Variants in SMG7 observed in about 807,000 individuals in gnomAD.
SMG7 encodes SMG7 nonsense mediated mRNA decay factor.
In SMG7, 34 loss-of-function variants were observed where a neutral mutation model predicts 148.2. The ratio of observed to expected loss-of-function variants is 0.23; its 90% CI spans 0.17 to 0.31. The LOEUF (loss-of-function observed/expected upper bound fraction) is 0.31. SMG7 is among the 10% of genes least tolerant of loss of function. The probability of loss-of-function intolerance (pLI) is 1.00; values close to 1 mark genes in which losing one functional copy is unlikely to be tolerated. For synonymous variants in SMG7, 492 were observed against 515.1 expected, an observed-to-expected ratio of 0.96 and a Z score of 0.61; for missense variants, 1,114 against 1,408.4, an observed-to-expected ratio of 0.79 and a Z score of 3.35.
At chr1:183,521,144 A>G (rs1317343736) in intron 4 of SMG7, among the ~76,000 whole-genome samples, 7 of 151,312 alleles carry the variant, frequency 4.6e-5, no homozygotes, top group African/African-American at 7.3e-5. Flanking sequence ...CAGTGGCACA[A>G]TCTCTGCCAC....
chr1:183,533,357 C>CT, intron 9 of SMG7, 31 bp downstream of exon 9: 1 of 1,593,990 alleles, frequency 6.3e-7, no homozygotes, highest in Non-Finnish European at 8.6e-7. Context: ...CATGTGCCAT[C>CT]TTTTTTGAAA....
In SMG7 at chr1:183,553,505, G is replaced by A. The variant is rs971511223; in HGVS notation, c.*1574G>A. The A allele has an allele frequency of 6.6e-6, 2 of 302,000 alleles. No homozygotes were observed. The highest frequency in any genetic ancestry group is 9.6e-5 in the Admixed American group (2 of 20,938). The allele number at this position is 302,000 out of a possible 1,614,324, so 18.7% of individuals were successfully genotyped here. A position where few individuals can be genotyped will look rare whatever the true frequency, so the allele number is the denominator to read the frequency against. On this transcript the variant is annotated 3_prime_UTR_variant, in exon 23 of 23. Transcript: ENST00000688051. ...TTAAGAGCTGGAAGACAGCTGTAGA[G>A]CAAAGCACATCCAGGAGCCCCAGTT...
chr1:183,512,884 T>C lies in SMG7; in HGVS notation c.61+16T>C, dbSNP rs1430257664. The C allele has an allele frequency of 1.3e-6, 2 of 1,587,262 alleles. No individual in the cohort carries two copies. The highest frequency in any genetic ancestry group is 1.7e-6 in the Non-Finnish European group (2 of 1,169,776). ...GACATGACAGGTATTGGCTGGCTTA[T>C]TTCTTTTTCACAACATATTTTATAT... is the stretch of plus-strand genomic sequence containing the variant. On this transcript the variant is annotated intron_variant, in intron 2 of 22. Coordinates refer to ENST00000688051, the MANE Select transcript of SMG7 (RefSeq NM_001375584.1).
Position 183,472,618 on chromosome 1 carries a change from A to C in SMG7, c.-3A>C. On this transcript the variant is annotated 5_prime_UTR_variant, in exon 1 of 23. Coordinates refer to ENST00000688051, the MANE Select transcript of SMG7 (RefSeq NM_001375584.1). ...CGGGAAGACGCGGCGGCGGCGGCGG[A>C]GGATGAGCCTGCAGAGCGCGCAGTA... 1.4e-6 allele frequency: 2 copies of C among 1,447,734 alleles called. No individual in the cohort carries two copies. Among genetic ancestry groups the C allele is most frequent in the Non-Finnish European group, 1.8e-6 (2 of 1,088,228 alleles). The allele number at this position is 1,447,734 out of a possible 1,614,324, so 89.7% of individuals were successfully genotyped here. A position where few individuals can be genotyped will look rare whatever the true frequency, so the allele number is the denominator to read the frequency against.
chr1:183,522,121 A>G (rs573187198), intron 4 of SMG7, among the ~76,000 whole-genome samples: 1 of 152,258 alleles, frequency 6.6e-6, no homozygotes, highest in Non-Finnish European at 1.5e-5. Context: ...TGGTTGTACC[A>G]TTTACTGAGA....
Position 183,527,503 on chromosome 1 carries a change from A to G in SMG7, c.485-453A>G, listed in dbSNP as rs948560858. 3.4e-5 allele frequency: 14 copies of G among 408,574 alleles called. No individual in the cohort carries two copies. Among genetic ancestry groups the G allele is most frequent in the Admixed American group, 1.7e-4 (6 of 35,364 alleles). 25.3% of individuals were successfully genotyped at this position (408,574 alleles called of 1,614,324 possible). A position where few individuals can be genotyped will look rare whatever the true frequency, so the allele number is the denominator to read the frequency against. On this transcript the variant is annotated intron_variant, in intron 5 of 22. Transcript: ENST00000688051. This position sits in a 1 kb window ranked among gnomAD's most constrained non-coding sequence, Gnocchi z 4.0. Reference sequence around the variant, plus strand: ...GTTTTGCTTTAAATATAATCTTTGCACACACATATTTAATATTGCAATAGG... The same window carrying G: ...GTTTTGCTTTAAATATAATCTTTGCGCACACATATTTAATATTGCAATAGG...
intron 1 of SMG7, chr1:183,473,061 C>A: frequency 4.4e-6 from 1 of 227,000 alleles, no homozygotes; most frequent in East Asian, 8.8e-5. Flanking sequence ...TGGAGCGATG[C>A]ATGAGTAGAG....
chr1:183,504,613 A>G (rs1450531825), intron 1 of SMG7, among the ~76,000 whole-genome samples: 4 of 152,330 alleles, frequency 2.6e-5, no homozygotes, highest in Non-Finnish European at 5.9e-5. Context: ...TACTGGGATT[A>G]CAGGCGTGAG....
intron 6 of SMG7, 45 bp downstream of exon 6, chr1:183,528,072 T>C: frequency 6.9e-7 from 1 of 1,455,436 alleles, no homozygotes; most frequent in Non-Finnish European, 9.5e-7. Flanking sequence ...CACTTTGTTC[T>C]TTATAACAAT....
chr1:183,506,919 C>T (rs1430380730), intron 1 of SMG7, among the ~76,000 whole-genome samples: 2 of 141,858 alleles, frequency 1.4e-5, no homozygotes, highest in Non-Finnish European at 3.0e-5. Context: ...CACTCTGTCA[C>T]CTAGGCTGGA....
intron 12 of SMG7, among the ~76,000 whole-genome samples, chr1:183,540,334 A>G (rs896088198): frequency 6.6e-6 from 1 of 152,062 alleles, no homozygotes; most frequent in African/African-American, 2.4e-5. Flanking sequence ...TTGAATCATA[A>G]TTATTTATTC....
chr1:183,472,578 C>T lies in SMG7; in HGVS notation c.-43C>T. 7.1e-7 allele frequency: 1 copy of T among 1,415,836 alleles called. No individual in the cohort carries two copies. The highest frequency in any genetic ancestry group is 9.3e-7 in the Non-Finnish European group (1 of 1,074,772). The allele number at this position is 1,415,836 out of a possible 1,614,324, so 87.7% of individuals were successfully genotyped here. The stretch of plus-strand genomic sequence containing the variant: ...GGGCCGCTCCGAGGAGCCTGAGAGA[C>T]CCACGGAGGCTTCGCGGGAAGACGC... On this transcript the variant is annotated 5_prime_UTR_variant, in exon 1 of 23. Coordinates refer to ENST00000688051, the MANE Select transcript of SMG7 (RefSeq NM_001375584.1).
chr1:183,475,973 C>G (rs1652076581), intron 1 of SMG7, among the ~76,000 whole-genome samples: 2 of 152,098 alleles, frequency 1.3e-5, no homozygotes, highest in Admixed American at 1.3e-4. Flanking sequence ...ATTCCTGGAG[C>G]CAGTCTTGTC....
chr1:183,484,049 G>T (rs1935217), intron 1 of SMG7, among the ~76,000 whole-genome samples: 1 of 152,064 alleles, frequency 6.6e-6, no homozygotes, highest in Non-Finnish European at 1.5e-5. Context: ...TAACCTTGAA[G>T]CTCTCTAGTT....
At chr1:183,512,767 T>C in intron 1 of SMG7, 70 bp from the exon 2 acceptor site, 1 of 1,414,926 alleles carries the variant, frequency 7.1e-7, no homozygotes, top group Non-Finnish European at 9.7e-7. Context: ...TTTAGTGTTA[T>C]TTATATGTTA....
chr1:183,546,977 T>C, intron 17 of SMG7, 126 bp from the exon 18 acceptor site: 2 of 894,528 alleles, frequency 2.2e-6, no homozygotes, highest in Non-Finnish European at 3.2e-6. Flanking sequence ...TTTTTCTCTT[T>C]GCCTAATACC....
At chr1:183,486,438 TCTTA>T (rs1276384435) in intron 1 of SMG7, among the ~76,000 whole-genome samples, 1 of 152,168 alleles carries the variant, frequency 6.6e-6, no homozygotes, top group Admixed American at 6.5e-5. Flanking sequence ...TGTGACGGAT[TCTTA>T]CTTTGTTGCC....
rs150000738 is a variant in SMG7 at position 183,525,119 on chromosome 1, A to G, written c.313-1477A>G. ...TAACTGTGAAGTAAATATTCTTCACAGTGTGAAGAACTGTGTGCGGGGCAA... is the reference window on the plus strand; with the variant it reads ...TAACTGTGAAGTAAATATTCTTCACGGTGTGAAGAACTGTGTGCGGGGCAA... On this transcript the variant is annotated intron_variant, in intron 4 of 22. Coordinates refer to ENST00000688051, the MANE Select transcript of SMG7 (RefSeq NM_001375584.1). 6.6e-5 allele frequency among the ~76,000 whole-genome samples: 10 copies of G among 152,330 alleles called. No individual in the cohort carries two copies. In the East Asian group the frequency reaches 1.2e-3, roughly 18 times the overall value.
rs1666058641 is a variant in SMG7, at chr1:183,527,329, C to T, written c.484+562C>T. ...AACTATAGGATTATGTTTTGCTTGT[C>T]CTCAAATAACAAAGAATGGAGAACA... On this transcript the variant is annotated intron_variant, in intron 5 of 22. Coordinates refer to ENST00000688051, the MANE Select transcript of SMG7 (RefSeq NM_001375584.1). The surrounding 1 kb of genome is among the most constrained non-coding windows in gnomAD (Gnocchi z 4.0). 6.6e-6 allele frequency among the ~76,000 whole-genome samples: 1 copy of T among 152,096 alleles called. No homozygotes were observed. Among genetic ancestry groups the T allele is most frequent in the Non-Finnish European group, 1.5e-5 (1 of 68,022 alleles).
Sources: allele counts gnomAD v4.1 joint callset (sites outside exome capture counted in the v4.1 genomes callset), GRCh38; gene constraint gnomAD v4.1.1; non-coding constraint Gnocchi (gnomAD v3.1); transcripts MANE v1.5; gene names NCBI Gene and HGNC (gene_info 2026-07-23, HGNC 2026-07-21).